ZFPM2: variants seen among roughly 807,000 people sequenced by gnomAD.
ZFPM2 encodes the protein zinc finger protein ZFPM2.
A neutral mutation model predicts 98.6 loss-of-function variants in ZFPM2; 20 were observed. That is an observed-to-expected ratio of 0.20 (90% CI 0.14 to 0.29). ZFPM2 has a LOEUF of 0.29. Ranked by LOEUF, ZFPM2 falls within the 10% of genes least tolerant of loss-of-function variation. The probability of loss-of-function intolerance (pLI) is 1.00; values close to 1 mark genes in which losing one functional copy is unlikely to be tolerated. For missense variants in ZFPM2, 1,310 were observed against 1,388.6 expected (o/e 0.94, Z 0.90); for synonymous variants, 518 against 502.7 (o/e 1.03, Z -0.41).
chr8:105,688,188 G>A (rs1810788085), intron 5 of ZFPM2, among the ~76,000 whole-genome samples: 1 of 152,150 alleles, frequency 6.6e-6, no homozygotes, highest in East Asian at 1.9e-4. Flanking sequence ...TATGGCTAAT[G>A]GGAAAATTCA....
intron 2 of ZFPM2, among the ~76,000 whole-genome samples, chr8:105,441,429 A>AG (rs1488875759): frequency 9.2e-5 from 11 of 119,614 alleles, no homozygotes; most frequent in African/African-American, 4.2e-4. Context: ...AAAAAGAAAG[A>AG]AAGAAAGAGA....
At chr8:105,472,835 C>T (rs1812932056) in intron 3 of ZFPM2, among the ~76,000 whole-genome samples, 1 of 151,384 alleles carries the variant, frequency 6.6e-6, no homozygotes, top group Admixed American at 6.6e-5. Context: ...TATTTATTAT[C>T]CCTTTGATTT....
At position 105,341,174 on chromosome 8, in the gene ZFPM2, C is replaced by T. The variant is rs141666457; in HGVS notation, c.40+22193C>T. Among the ~76,000 whole-genome samples the T allele has an allele frequency of 7.4e-4, 113 of 152,048 alleles. 1 individual carries two copies. The highest frequency in any genetic ancestry group is 9.9e-4 in the Non-Finnish European group (67 of 67,922). On this transcript the variant is annotated intron_variant, in intron 1 of 7. Transcript: ENST00000407775. ...CTAAGGTAGGTATAGAACATACCCT[C>T]GTGGGGCTTCCACTCTCTAAAAGAT...
intron 3 of ZFPM2, among the ~76,000 whole-genome samples, chr8:105,493,924 A>G (rs1211054366): frequency 6.6e-6 from 1 of 151,924 alleles, no homozygotes. Flanking sequence ...CTCAAGGACT[A>G]CTTATTGCTT....
intron 1 of ZFPM2, among the ~76,000 whole-genome samples, chr8:105,366,754 G>A (rs1810520881): frequency 6.8e-6 from 1 of 146,754 alleles, no homozygotes; most frequent in Non-Finnish European, 1.5e-5. Flanking sequence ...CCACCTATGA[G>A]TGAGAATATG....
chr8:105,605,218 C>T (rs1404877267), intron 4 of ZFPM2, among the ~76,000 whole-genome samples: 5 of 152,086 alleles, frequency 3.3e-5, no homozygotes, highest in African/African-American at 1.2e-4. Flanking sequence ...GGTTCAAATC[C>T]TGACTTCATC....
At position 105,803,410 on chromosome 8, in the gene ZFPM2, GGTT is replaced by G; in HGVS notation, c.3329_3331del (p.Gly1110_Ser1111delinsAla). 1 of 1,613,816 alleles carries G rather than the reference GGTT, an allele frequency of 6.2e-7. No homozygotes were observed. The highest frequency in any genetic ancestry group is 8.5e-7 in the Non-Finnish European group (1 of 1,179,810). On this transcript the variant is annotated inframe_deletion, in exon 8 of 8. Transcript: ENST00000407775. Reference sequence around the variant, plus strand: ...GTCTAGTATAGCAAAAGGTGTGAATGGTTCCAGCCAGGCTCCAACCAGTGGGAA... The same window carrying G: ...GTCTAGTATAGCAAAAGGTGTGAATGCCAGCCAGGCTCCAACCAGTGGGAA...
chr8:105,599,859 G>T (rs2130781749), intron 4 of ZFPM2, among the ~76,000 whole-genome samples: 1 of 152,118 alleles, frequency 6.6e-6, no homozygotes, highest in African/African-American at 2.4e-5. Context: ...ATTATAAATA[G>T]TATGAATGTG....
chr8:105,491,800 T>TA (rs1191883806), intron 3 of ZFPM2, among the ~76,000 whole-genome samples: 4 of 152,292 alleles, frequency 2.6e-5, no homozygotes, highest in Non-Finnish European at 5.9e-5. Flanking sequence ...ATCTACCTTG[T>TA]AAAAAATGTT....
At chr8:105,590,732 G>A (rs1345345900) in intron 4 of ZFPM2, among the ~76,000 whole-genome samples, 2 of 151,996 alleles carry the variant, frequency 1.3e-5, no homozygotes, top group Non-Finnish European at 2.9e-5. Context: ...ACATGCATGA[G>A]TGTGCAAGTG....
intron 4 of ZFPM2, among the ~76,000 whole-genome samples, chr8:105,581,915 G>T (rs1435304104): frequency 6.6e-6 from 1 of 152,172 alleles, no homozygotes; most frequent in Non-Finnish European, 1.5e-5. Flanking sequence ...GGGGAAGATT[G>T]TGATCTTATC....
chr8:105,561,286 A>G, intron 3 of ZFPM2, 77 bp from the exon 4 acceptor site: 1 of 1,098,914 alleles, frequency 9.1e-7, no homozygotes, highest in South Asian at 1.3e-5. Context: ...ATGTGTGTAA[A>G]GCAAACACAC....
At chr8:105,477,204 ATT>A (rs1813028879) in intron 3 of ZFPM2, among the ~76,000 whole-genome samples, 1 of 146,502 alleles carries the variant, frequency 6.8e-6, no homozygotes, top group Admixed American at 6.8e-5. Flanking sequence ...CAATGAAATA[ATT>A]TCAGTTAAGT....
At chr8:105,618,326 TG>T (rs1816462220) in intron 4 of ZFPM2, among the ~76,000 whole-genome samples, 1 of 152,230 alleles carries the variant, frequency 6.6e-6, no homozygotes, top group Non-Finnish European at 1.5e-5. Flanking sequence ...AGGCAATTTC[TG>T]GCAATGTGAA....
At chr8:105,498,027 CAAAAA>C (rs1195802124) in intron 3 of ZFPM2, among the ~76,000 whole-genome samples, 1 of 61,912 alleles carries the variant, frequency 1.6e-5, no homozygotes, top group Non-Finnish European at 3.5e-5. Context: ...CCGTCTCTAC[CAAAAA>C]AAAAAAAAAA....
intron 5 of ZFPM2, among the ~76,000 whole-genome samples, chr8:105,640,695 A>G (rs1816933729): frequency 6.6e-6 from 1 of 152,048 alleles, no homozygotes; most frequent in Non-Finnish European, 1.5e-5. Flanking sequence ...AGTCCGAACC[A>G]TGTTCCACCT....
chr8:105,588,248 A>G (rs978373451), intron 4 of ZFPM2, among the ~76,000 whole-genome samples: 1 of 152,182 alleles, frequency 6.6e-6, no homozygotes, highest in Non-Finnish European at 1.5e-5. Context: ...GGGCAGAGAC[A>G]TGGATTCTCT....
At position 105,704,906 on chromosome 8, in the gene ZFPM2, C is replaced by T. The variant is rs145448338; in HGVS notation, c.532+70549C>T. Among the ~76,000 whole-genome samples, 4 of 152,286 alleles carry T rather than the reference C, an allele frequency of 2.6e-5. No homozygotes were observed. In the South Asian group the frequency reaches 8.3e-4, roughly 32 times the overall value. On this transcript the variant is annotated intron_variant, in intron 5 of 7. Coordinates refer to ENST00000407775, the MANE Select transcript of ZFPM2 (RefSeq NM_012082.4). ...AGAGGCTCAAGTTGCAAGTTAAATT[C>T]TCCTCTAGTCAGTTAGTCTCGTCTT...
chr8:105,758,596 GA>G (rs1812663030), intron 5 of ZFPM2, among the ~76,000 whole-genome samples: 1 of 151,968 alleles, frequency 6.6e-6, no homozygotes, highest in African/African-American at 2.4e-5. Context: ...TCAGTCATTT[GA>G]TTTTTTTTAA....
Sources: gnomAD v4.1 joint callset for allele counts (sites outside exome capture counted in the v4.1 genomes callset) on GRCh38, gnomAD v4.1.1 for gene constraint, MANE v1.5 for transcripts, NCBI Gene and HGNC (gene_info 2026-07-23, HGNC 2026-07-21) for gene names.